The following CCDC171 variants were observed in gnomAD, a reference collection of about 807,000 sequenced individuals.
CCDC171 encodes coiled-coil domain containing 171, also known as coiled-coil domain-containing protein 171.
A neutral mutation model predicts 168.2 loss-of-function variants in CCDC171; 177 were observed. The observed-to-expected ratio is 1.05, with a 90% CI of 0.93 to 1.19. The LOEUF (loss-of-function observed/expected upper bound fraction) is 1.19, where lower values mean the gene tolerates loss of function less well. CCDC171 is among the 50% of genes most tolerant of loss of function. CCDC171 has a pLI of 0.00. For missense variants in CCDC171, 1,991 were observed against 1,539.0 expected (o/e 1.29, Z -4.91); for synonymous variants, 687 against 540.8 (o/e 1.27, Z -3.75).
At chr9:15,679,194 A>G (rs2049865548) in intron 10 of CCDC171, among the ~76,000 whole-genome samples, 1 of 152,124 alleles carries the variant, frequency 6.6e-6, no homozygotes, top group African/African-American at 2.4e-5. Flanking sequence ...TATTACTTAG[A>G]TTAAGGGTGA....
At chr9:15,615,926 C>T (rs887599783) in intron 6 of CCDC171, among the ~76,000 whole-genome samples, 10 of 151,798 alleles carry the variant, frequency 6.6e-5, no homozygotes, top group African/African-American at 9.7e-5. Flanking sequence ...CACAGGCATG[C>T]GCCACAACGC....
chr9:15,906,751 C>A (rs1334487952), intron 24 of CCDC171, among the ~76,000 whole-genome samples: 1 of 152,140 alleles, frequency 6.6e-6, no homozygotes, highest in Non-Finnish European at 1.5e-5. Flanking sequence ...TTGCAGACGA[C>A]ATGATTGTAT....
At chr9:15,947,663 G>A (rs190904749) in intron 25 of CCDC171, among the ~76,000 whole-genome samples, 93 of 151,990 alleles carry the variant, frequency 6.1e-4, no homozygotes, top group African/African-American at 2.0e-3. Context: ...ATGTTCCTAC[G>A]AATGTGGGTA....
chr9:15,552,972 G>A (rs1159243575), upstream of CCDC171: 13 of 152,546 alleles, frequency 8.5e-5, no homozygotes, highest in Admixed American at 7.8e-4. Context: ...TACGTATCCA[G>A]GAGCTGCAAG....
At chr9:15,665,362 TAAG>T (rs896871769) in intron 8 of CCDC171, among the ~76,000 whole-genome samples, 104 of 152,324 alleles carry the variant, frequency 6.8e-4, no homozygotes, top group African/African-American at 2.2e-3. Flanking sequence ...TGTTTGACAA[TAAG>T]AAGATCACTT....
the CCDC171 span, among the ~76,000 whole-genome samples, chr9:16,085,338 A>G: frequency 6.6e-6 from 1 of 152,214 alleles, no homozygotes; most frequent in African/African-American, 2.4e-5. Context: ...GCTGGGAGCT[A>G]GGGTAGGGGG....
chr9:15,609,098 T>G (rs1279190183), intron 6 of CCDC171, among the ~76,000 whole-genome samples: 1 of 151,346 alleles, frequency 6.6e-6, no homozygotes, highest in Non-Finnish European at 1.5e-5. Context: ...ATGAACAGTT[T>G]AAAATTTTTT....
At chr9:16,069,397 G>C in the CCDC171 span, among the ~76,000 whole-genome samples, 1 of 152,242 alleles carries the variant, frequency 6.6e-6, no homozygotes, top group Non-Finnish European at 1.5e-5. Context: ...GAAGATCAGA[G>C]TCCAGCGGTG....
At chr9:15,796,394 A>G (rs188398401) in intron 21 of CCDC171, among the ~76,000 whole-genome samples, 142 of 152,344 alleles carry the variant, frequency 9.3e-4, no homozygotes, top group African/African-American at 3.3e-3. Flanking sequence ...AAGCACCTAT[A>G]AACATAGTAA....
rs899999779 is a variant in CCDC171 at position 15,678,702 on chromosome 9, A to G, written c.1077-56A>G. 4.9e-6 allele frequency: 7 copies of G among 1,435,698 alleles called. No individual in the cohort carries two copies. The African/African-American group carries it at 7.2e-5, about 15-fold the overall frequency. 88.9% of individuals were successfully genotyped at this position (1,435,698 alleles called of 1,614,324 possible). ...CTGCCATATGTATTAAAGGTGTGTAATATCAGTTGATGTAAGCATGTTTGA... is the reference window on the plus strand; with the variant it reads ...CTGCCATATGTATTAAAGGTGTGTAGTATCAGTTGATGTAAGCATGTTTGA... On this transcript the variant is annotated intron_variant, in intron 9 of 25. Coordinates refer to ENST00000380701, the MANE Select transcript of CCDC171 (RefSeq NM_173550.4).
At chr9:15,662,088 C>A (rs2048361384) in intron 8 of CCDC171, among the ~76,000 whole-genome samples, 1 of 152,146 alleles carries the variant, frequency 6.6e-6, no homozygotes, top group Admixed American at 6.5e-5. Flanking sequence ...ACCAGTCTGG[C>A]CAACGTGGCG....
chr9:15,777,888 C>A lies in CCDC171; in HGVS notation c.2898+62C>A, dbSNP rs115850526. ...CTTGTAGGTTTAATTTTGAATTAGC[C>A]TAATTTGTAGTTTAAATTATTAGTT... On this transcript the variant is annotated intron_variant, in intron 19 of 25. Coordinates refer to ENST00000380701, the MANE Select transcript of CCDC171 (RefSeq NM_173550.4). 3,276 of 1,101,490 alleles carry A rather than the reference C, an allele frequency of 3.0e-3. 74 individuals are homozygous for A. In the African/African-American group the frequency reaches 0.043, roughly 14 times the overall value. The allele number at this position is 1,101,490 out of a possible 1,614,324, so 68.2% of individuals were successfully genotyped here.
chr9:15,702,603 G>A (rs2051845849), intron 11 of CCDC171, among the ~76,000 whole-genome samples: 1 of 152,050 alleles, frequency 6.6e-6, no homozygotes, highest in South Asian at 2.1e-4. Context: ...GCCAGGCATT[G>A]ACTTCTCCCC....
chr9:15,633,966 T>C (rs191410918), intron 7 of CCDC171, among the ~76,000 whole-genome samples: 1 of 152,094 alleles, frequency 6.6e-6, no homozygotes, highest in East Asian at 1.9e-4. Flanking sequence ...TAGGTGGGAA[T>C]TGAACAATGA....
intron 24 of CCDC171, among the ~76,000 whole-genome samples, chr9:15,878,001 A>T (rs1818083650): frequency 6.6e-6 from 1 of 152,182 alleles, no homozygotes; most frequent in South Asian, 2.1e-4. Flanking sequence ...AAAGACTTAA[A>T]TGTAAATCCT....
intron 9 of CCDC171, among the ~76,000 whole-genome samples, chr9:15,672,393 T>G (rs532668776): frequency 1.3e-5 from 2 of 152,346 alleles, no homozygotes; most frequent in African/African-American, 4.8e-5. Context: ...TTGTTGCCAT[T>G]GCTTTTGGTG....
At chr9:16,032,388 G>A (rs2133042529) in intron 6 of CCDC171, among the ~76,000 whole-genome samples, 1 of 152,316 alleles carries the variant, frequency 6.6e-6, no homozygotes, top group African/African-American at 2.4e-5. Flanking sequence ...GAACATAAGA[G>A]AGCAATGTGG....
At chr9:15,577,914 C>A (rs2040799404) in intron 3 of CCDC171, among the ~76,000 whole-genome samples, 1 of 152,212 alleles carries the variant, frequency 6.6e-6, no homozygotes, top group Admixed American at 6.5e-5. Flanking sequence ...GTCAATCATT[C>A]CACATGTGCC....
intron 3 of CCDC171, among the ~76,000 whole-genome samples, chr9:15,999,902 A>G (rs1832489026): frequency 6.6e-6 from 1 of 152,086 alleles, no homozygotes; most frequent in Non-Finnish European, 1.5e-5. Context: ...CTCTTTTCTC[A>G]GGAGCACACT....
Sources: gnomAD v4.1 joint callset for allele counts (sites outside exome capture counted in the v4.1 genomes callset) on GRCh38, gnomAD v4.1.1 for gene constraint, MANE v1.5 for transcripts, NCBI Gene and HGNC (gene_info 2026-07-23, HGNC 2026-07-21) for gene names.